Variants in MTOR observed in about 807,000 individuals in gnomAD.
MTOR encodes mechanistic target of rapamycin kinase.
Under a neutral mutation model 319.8 loss-of-function variants are expected in MTOR, and 70 were observed. That is an observed-to-expected ratio of 0.22 (90% CI 0.18 to 0.27). The LOEUF (loss-of-function observed/expected upper bound fraction) is 0.27. MTOR is among the 10% of genes least tolerant of loss of function. MTOR has a pLI of 1.00. For missense variants in MTOR, 1,890 were observed against 3,274.4 expected, an observed-to-expected ratio of 0.58 and a Z score of 10.32; for synonymous variants, 1,183 against 1,211.4, an observed-to-expected ratio of 0.98 and a Z score of 0.49.
At chr1:11,169,997 C>T (rs1250715250) in intron 28 of MTOR, among the ~76,000 whole-genome samples, 1 of 152,186 alleles carries the variant, frequency 6.6e-6, no homozygotes, top group Non-Finnish European at 1.5e-5. Context: ...TAGAACTGTT[C>T]GAGTGTCCAG....
chr1:11,171,908 GC>G (rs2100630341), intron 28 of MTOR, among the ~76,000 whole-genome samples: 1 of 151,908 alleles, frequency 6.6e-6, no homozygotes, highest in South Asian at 2.1e-4. Flanking sequence ...TGTGGCACAT[GC>G]TTGTAATCCC....
Position 11,144,678 on chromosome 1 carries a change from G to C in MTOR, c.4842C>G (p.Ile1614Met), listed in dbSNP as rs2100505968. 2 of 1,614,132 alleles carry C rather than the reference G, an allele frequency of 1.2e-6. No homozygotes were observed. The highest frequency in any genetic ancestry group is 2.2e-5 in the South Asian group (2 of 91,076). ...GTCTCTCCCACCAGATCTGGCGGAT[G>C]ATCTCTCGTCGCTCGGGGACAAGTT... Reference protein sequence around the residue: ...QYKLVPERREIIRQIWWERLQ... With the variant: ...QYKLVPERREMIRQIWWERLQ... The change falls in exon 34 of 58, where the codon ATC becomes ATG. Residue 1614 changes from isoleucine (I) to methionine (M), a missense_variant. Around this residue, in one of 15 missense-constraint regions of MTOR, gnomAD observed 276 missense variants for 459.4 expected, o/e 0.60. Transcript: ENST00000361445.
intron 28 of MTOR, among the ~76,000 whole-genome samples, chr1:11,186,582 T>G (rs1220397997): frequency 1.3e-5 from 2 of 152,240 alleles, no homozygotes; most frequent in Non-Finnish European, 2.9e-5. Flanking sequence ...TTCCAGATTT[T>G]GTCAGTTAAT....
Position 11,210,846 on chromosome 1 carries a change from G to A in MTOR, c.3622C>T (p.Arg1208Cys), listed in dbSNP as rs200402195. ...ATTCTGCAGATGAGCACATCATAGC[G>A]CTGATGATTGATTCGGTGTCGCACC... is the stretch of plus-strand genomic sequence containing the variant. ...VLVRHRINHQ[R>C]YDVLICRIVK... The change falls in exon 24 of 58, where the codon CGC becomes TGC. Residue 1208 changes from arginine to cysteine, a missense_variant. Transcript: ENST00000361445. The A allele has an allele frequency of 5.9e-5, 96 of 1,613,650 alleles. No homozygotes were observed. The highest frequency in any genetic ancestry group is 5.3e-4 in the East Asian group (24 of 44,872).
At chr1:11,242,101 C>T (rs1461581150) in intron 9 of MTOR, among the ~76,000 whole-genome samples, 3 of 151,956 alleles carry the variant, frequency 2.0e-5, no homozygotes, top group Non-Finnish European at 2.9e-5. Flanking sequence ...CAGCGACTCA[C>T]GCCTGTAATC....
At chr1:11,252,149 T>C (rs78839407) in intron 6 of MTOR, among the ~76,000 whole-genome samples, 9,075 of 152,266 alleles carry the variant, frequency 0.06, 385 homozygotes, top group South Asian at 0.12. Context: ...TATGTATAGC[T>C]TCCCACATAC....
At chr1:11,138,810 CAT>C (rs1486276493) in intron 36 of MTOR, 2 of 153,150 alleles carry the variant, frequency 1.3e-5, no homozygotes, top group Non-Finnish European at 2.9e-5. Context: ...CTTGTCTGTA[CAT>C]AAAGTCAGAA....
intron 28 of MTOR, among the ~76,000 whole-genome samples, chr1:11,198,277 G>A (rs1645852070): frequency 1.3e-5 from 2 of 152,160 alleles, no homozygotes; most frequent in Non-Finnish European, 2.9e-5. Context: ...TTCCTACATG[G>A]TATTTCAGAA....
At chr1:11,259,005 A>G (rs1650778517) in intron 2 of MTOR, among the ~76,000 whole-genome samples, 1 of 152,234 alleles carries the variant, frequency 6.6e-6, no homozygotes, top group Admixed American at 6.5e-5. Flanking sequence ...ATAAAAAGTT[A>G]AAAGAAACAG....
chr1:11,189,961 G>C (rs1164942008), intron 28 of MTOR: 1 of 1,601,512 alleles, frequency 6.2e-7, no homozygotes, highest in African/African-American at 1.3e-5. Flanking sequence ...CGCAGGTAAG[G>C]AGACCAGTCC....
At chr1:11,217,559 C>A (rs1470038763) in intron 19 of MTOR, among the ~76,000 whole-genome samples, 2 of 151,584 alleles carry the variant, frequency 1.3e-5, no homozygotes, top group Admixed American at 6.6e-5. Flanking sequence ...CGCCACCATG[C>A]CCGGCTAATT....
intron 28 of MTOR, among the ~76,000 whole-genome samples, chr1:11,183,303 A>G (rs914432243): frequency 3.3e-5 from 5 of 151,730 alleles, no homozygotes; most frequent in African/African-American, 1.2e-4. Context: ...TCAATATTTT[A>G]TTTTTTTCTT....
At chr1:11,197,048 G>T (rs1433990572) in intron 28 of MTOR, among the ~76,000 whole-genome samples, 1 of 152,102 alleles carries the variant, frequency 6.6e-6, no homozygotes, top group African/African-American at 2.4e-5. Flanking sequence ...GGGGGTTGGG[G>T]GAGGGTTAGT....
At chr1:11,206,929 T>C (rs984743865) in intron 25 of MTOR, among the ~76,000 whole-genome samples, 6 of 152,256 alleles carry the variant, frequency 3.9e-5, no homozygotes, top group African/African-American at 9.6e-5. Context: ...TTTTATGTTT[T>C]CTGTATCACA....
intron 36 of MTOR, among the ~76,000 whole-genome samples, chr1:11,136,614 C>T (rs12125835): frequency 0.059 from 8,985 of 152,148 alleles, 377 homozygotes; most frequent in South Asian, 0.12. Context: ...ATCCTCCTAC[C>T]TCAGCCTCCC....
At chr1:11,209,255 G>A (rs904064856) in intron 25 of MTOR, 57 bp downstream of exon 25, 4 of 1,606,750 alleles carry the variant, frequency 2.5e-6, no homozygotes, top group Non-Finnish European at 3.4e-6. Context: ...TAAAAGTTTT[G>A]AGTAAGTGAG....
chr1:11,122,352 T>C (rs1642578517), intron 47 of MTOR, among the ~76,000 whole-genome samples: 1 of 146,710 alleles, frequency 6.8e-6, no homozygotes, highest in Non-Finnish European at 1.5e-5. Flanking sequence ...TACAGGCGTG[T>C]GCCACCATGC....
intron 14 of MTOR, 26 bp from the exon 15 acceptor site, chr1:11,233,513 G>T (rs1483552507): frequency 2.6e-6 from 4 of 1,567,888 alleles, no homozygotes; most frequent in South Asian, 1.1e-5. Flanking sequence ...ATGAGAAAAT[G>T]AATGCAGATT....
rs550169577 is a variant in MTOR, at chr1:11,114,906, G to A, written c.7090-19C>T. The A allele has an allele frequency of 1.2e-6, 2 of 1,609,848 alleles. No individual in the cohort carries two copies. The highest frequency in any genetic ancestry group is 1.7e-6 in the Non-Finnish European group (2 of 1,176,226). On this transcript the variant is annotated intron_variant, in intron 51 of 57. Transcript: ENST00000361445. ...TAGCAACCTACAGAATAATAAATGG[G>A]AAAAGCCAAATCAATGTTTATTTTC...
Sources: gnomAD v4.1 joint callset for allele counts (sites outside exome capture counted in the v4.1 genomes callset) on GRCh38, gnomAD v4.1.1 for gene constraint, gnomAD v4.1.1 regional missense constraint, MANE v1.5 for transcripts, NCBI Gene and HGNC (gene_info 2026-07-23, HGNC 2026-07-21) for gene names.